The following CLRN1 variants were observed in gnomAD, a reference collection of about 807,000 sequenced individuals.
CLRN1 encodes the protein clarin-1.
Under a neutral mutation model 18.7 loss-of-function variants are expected in CLRN1, and 15 were observed. The observed-to-expected ratio is 0.80, with a 90% confidence interval of 0.54 to 1.23. CLRN1 has a LOEUF of 1.23. Among genes scored for constraint, CLRN1 ranks in the 50% most tolerant of loss-of-function variants. The probability of loss-of-function intolerance (pLI) is 0.00; values close to 1 mark genes in which losing one functional copy is unlikely to be tolerated. For missense variants in CLRN1, 311 were observed against 277.5 expected (o/e 1.12, Z -0.86); for synonymous variants, 104 against 102.9 (o/e 1.01, Z -0.07).
In CLRN1 at chr3:150,972,625, C is replaced by T; in HGVS notation, c.84G>A (p.Leu28=). Residue 28 remains leucine (L), a synonymous_variant, in exon 1 of 3, where the codon TTG becomes TTA. Transcript: ENST00000327047. ...FACALGVVTA[L]GTPLWIKATV... is the part of the protein sequence containing the mutation. Reference sequence around the variant, plus strand: ...TGGCTTTGATCCACAACGGTGTCCCCAAGGCTGTCACAACTCCGAGGGCAC... The same window carrying T: ...TGGCTTTGATCCACAACGGTGTCCCTAAGGCTGTCACAACTCCGAGGGCAC... 1 of 1,614,224 alleles carries T rather than the reference C, an allele frequency of 6.2e-7. No individual in the cohort carries two copies. Among genetic ancestry groups the T allele is most frequent in the African/African-American group, 1.3e-5 (1 of 75,060 alleles).
intron 1 of CLRN1, among the ~76,000 whole-genome samples, chr3:150,964,246 GGATAT>G (rs1372689289): frequency 6.6e-6 from 1 of 152,126 alleles, no homozygotes; most frequent in African/African-American, 2.4e-5. Flanking sequence ...AGTGGGCAAA[GGATAT>G]GAACGGACAC....
chr3:150,948,539 C>T (rs1448203375), intron 1 of CLRN1, among the ~76,000 whole-genome samples: 3 of 149,742 alleles, frequency 2.0e-5, no homozygotes, highest in Admixed American at 6.6e-5. Flanking sequence ...TACCACTGAT[C>T]CCACGGAAAT....
rs1441290555 is a variant in CLRN1 at position 150,927,074 on chromosome 3, A to C, written c.*862T>G. On this transcript the variant is annotated 3_prime_UTR_variant, in exon 3 of 3. Coordinates refer to ENST00000327047, the MANE Select transcript of CLRN1 (RefSeq NM_174878.3). ...TAATAAGTCATTTTGCATCAAATGTACTAAGCAGAGATCATTTTTCATGAT... is the reference window on the plus strand; with the variant it reads ...TAATAAGTCATTTTGCATCAAATGTCCTAAGCAGAGATCATTTTTCATGAT... 1 of 875,080 alleles carries C rather than the reference A, an allele frequency of 1.1e-6. No individual in the cohort carries two copies. Among genetic ancestry groups the C allele is most frequent in the South Asian group, 1.4e-5 (1 of 70,134 alleles). 54.2% of individuals were successfully genotyped at this position (875,080 alleles called of 1,614,324 possible).
chr3:150,936,784 T>C (rs978435638), intron 2 of CLRN1, among the ~76,000 whole-genome samples: 2 of 152,180 alleles, frequency 1.3e-5, no homozygotes, highest in Non-Finnish European at 1.5e-5. Flanking sequence ...CCTCATTTTT[T>C]CCTTGTGCCA....
chr3:150,948,266 C>T (rs1035691970), intron 1 of CLRN1, among the ~76,000 whole-genome samples: 51 of 151,864 alleles, frequency 3.4e-4, no homozygotes, highest in African/African-American at 1.2e-3. Flanking sequence ...GGGCGGATCA[C>T]GAGGTCAGGA....
chr3:150,959,040 T>A (rs1353986126), intron 1 of CLRN1, among the ~76,000 whole-genome samples: 2 of 152,226 alleles, frequency 1.3e-5, no homozygotes, highest in Non-Finnish European at 2.9e-5. Flanking sequence ...CTTTTTTGTT[T>A]CAAACCTATA....
At chr3:150,950,760 A>G in intron 1 of CLRN1, among the ~76,000 whole-genome samples, 1 of 152,218 alleles carries the variant, frequency 6.6e-6, no homozygotes. Flanking sequence ...GCAAAGAGCT[A>G]AAAGCAGAAC....
intron 1 of CLRN1, among the ~76,000 whole-genome samples, chr3:150,966,713 A>T (rs1026320266): frequency 2.0e-5 from 3 of 152,192 alleles, no homozygotes; most frequent in Non-Finnish European, 2.9e-5. Context: ...TTGGTCATGA[A>T]ATCCATCTGG....
At chr3:150,935,213 A>G (rs1713394789) in intron 2 of CLRN1, among the ~76,000 whole-genome samples, 1 of 151,718 alleles carries the variant, frequency 6.6e-6, no homozygotes, top group Non-Finnish European at 1.5e-5. Flanking sequence ...GTACATATGT[A>G]TACATGTGCC....
intron 1 of CLRN1, chr3:150,942,622 T>A (rs1233663845): frequency 2.2e-6 from 1 of 455,276 alleles, no homozygotes; most frequent in African/African-American, 2.0e-5. Flanking sequence ...ATTCCTGTTG[T>A]CTCACAGAGC....
intron 1 of CLRN1, among the ~76,000 whole-genome samples, chr3:150,956,205 G>A (rs991618971): frequency 6.6e-6 from 1 of 152,188 alleles, no homozygotes; most frequent in African/African-American, 2.4e-5. Context: ...TGGGGGATAA[G>A]TGGGAATAAC....
At chr3:150,970,491 A>G (rs576410009) in intron 1 of CLRN1, among the ~76,000 whole-genome samples, 95 of 147,046 alleles carry the variant, frequency 6.5e-4, no homozygotes, top group Admixed American at 3.1e-3. Flanking sequence ...CTCATGCTGC[A>G]TTGAAAAAGA....
intron 1 of CLRN1, among the ~76,000 whole-genome samples, chr3:150,951,074 T>A (rs560538107): frequency 6.6e-6 from 1 of 152,252 alleles, no homozygotes; most frequent in African/African-American, 2.4e-5. Context: ...TTCTCACTTA[T>A]ACGTGGGAGC....
intron 1 of CLRN1, among the ~76,000 whole-genome samples, chr3:150,956,006 G>A (rs1417400418): frequency 6.6e-6 from 1 of 152,006 alleles, no homozygotes; most frequent in African/African-American, 2.4e-5. Flanking sequence ...ATCACCTTCT[G>A]TTCTTTTCAC....
intron 1 of CLRN1, among the ~76,000 whole-genome samples, chr3:150,966,135 C>A (rs1010640163): frequency 6.6e-6 from 1 of 152,124 alleles, no homozygotes; most frequent in Admixed American, 6.5e-5. Flanking sequence ...GCCTGGGCAA[C>A]CCCATCTCTA....
intron 1 of CLRN1, among the ~76,000 whole-genome samples, chr3:150,960,750 G>A (rs571750962): frequency 1.3e-5 from 2 of 152,318 alleles, no homozygotes; most frequent in South Asian, 2.1e-4. Context: ...CCTTCCACAG[G>A]AGACAGGCAG....
At chr3:150,972,818 C>A (rs1029215925), upstream of CLRN1, 5 of 1,508,464 alleles carry the variant, frequency 3.3e-6, no homozygotes, top group Non-Finnish European at 4.5e-6. Flanking sequence ...ACGGACAGCT[C>A]CCAGCTGAAA....
chr3:150,940,815 T>C (rs1041768669), intron 2 of CLRN1, among the ~76,000 whole-genome samples: 2 of 152,210 alleles, frequency 1.3e-5, no homozygotes, highest in Non-Finnish European at 1.5e-5. Context: ...TTCTTTTCCA[T>C]CAGCCCTAGC....
intron 2 of CLRN1, among the ~76,000 whole-genome samples, chr3:150,933,182 T>C (rs1237267583): frequency 6.6e-6 from 1 of 152,182 alleles, no homozygotes; most frequent in Admixed American, 6.6e-5. Context: ...ATTTATTGAG[T>C]GCCTGTTGCG....
Sources: gnomAD v4.1 joint callset for allele counts (sites outside exome capture counted in the v4.1 genomes callset) on GRCh38, gnomAD v4.1.1 for gene constraint, MANE v1.5 for transcripts, NCBI Gene and HGNC (gene_info 2026-07-23, HGNC 2026-07-21) for gene names.